The following PHC2 variants were observed in gnomAD, a reference collection of about 807,000 sequenced individuals.
The protein encoded by PHC2 is polyhomeotic-like protein 2.
Under a neutral mutation model 87.4 loss-of-function variants are expected in PHC2, and 29 were observed. The observed-to-expected ratio is 0.33, with a 90% confidence interval of 0.25 to 0.45. PHC2 has a LOEUF of 0.45. PHC2 is among the 20% of genes least tolerant of loss of function. The probability of loss-of-function intolerance (pLI) is 1.00; values close to 1 mark genes in which losing one functional copy is unlikely to be tolerated. For synonymous variants in PHC2, 438 were observed against 461.7 expected, an observed-to-expected ratio of 0.95 and a Z score of 0.66; for missense variants, 857 against 1,136.7, an observed-to-expected ratio of 0.75 and a Z score of 3.54.
chr1:33,416,493 G>A lies in PHC2; in HGVS notation c.-55+14483C>T, dbSNP rs534922545. Among the ~76,000 whole-genome samples, 11 of 148,396 alleles carry A rather than the reference G, an allele frequency of 7.4e-5. No individual in the cohort carries two copies. The East Asian group carries it at 1.4e-3, about 19-fold the overall frequency. ...CGGGAGGCTGAGGCAGGAAAATGGC[G>A]TGAACCCAGGAGGCAGAGGTTGCAG... On this transcript the variant is annotated intron_variant, in intron 1 of 14. Coordinates refer to ENST00000683057, the MANE Select transcript of PHC2 (RefSeq NM_001385109.1).
intron 1 of PHC2, among the ~76,000 whole-genome samples, chr1:33,417,166 T>C (rs895052045): frequency 1.5e-4 from 22 of 151,222 alleles, no homozygotes; most frequent in Middle Eastern, 3.4e-3. Flanking sequence ...AAGGACAATA[T>C]GGGGTCAAGA....
Position 33,354,803 on chromosome 1 carries a change from GTGTGCTCCCTGGACCT to G in PHC2, c.1392+19_1392+34del. On this transcript the variant is annotated intron_variant, in intron 8 of 14. Coordinates refer to ENST00000683057, the MANE Select transcript of PHC2 (RefSeq NM_001385109.1). ...GGGTCGTCCGAGCTGTGGCCACCCC[GTGTGCTCCCTGGACCT>G]TGGGGCTGGCTTACTCACCACTGGT... 6.3e-7 allele frequency: 1 copy of G among 1,594,650 alleles called. No individual in the cohort carries two copies.
chr1:33,385,283 G>A (rs947427636), intron 1 of PHC2, among the ~76,000 whole-genome samples: 3 of 152,116 alleles, frequency 2.0e-5, no homozygotes, highest in African/African-American at 7.2e-5. Flanking sequence ...CAGAGCTTCC[G>A]GAAAATGAAA....
intron 9 of PHC2, among the ~76,000 whole-genome samples, chr1:33,351,687 T>C (rs1037871205): frequency 2.6e-5 from 4 of 152,222 alleles, no homozygotes; most frequent in African/African-American, 9.6e-5. Context: ...GCGCAGTGGC[T>C]CACACCTGTA....
intron 1 of PHC2, among the ~76,000 whole-genome samples, chr1:33,379,628 C>G (rs964905769): frequency 6.0e-5 from 9 of 149,732 alleles, no homozygotes; most frequent in African/African-American, 2.2e-4. Context: ...CCTTTCACCA[C>G]TGATTTCTCA....
chr1:33,383,525 G>T (rs926896661), intron 1 of PHC2, among the ~76,000 whole-genome samples: 3 of 152,180 alleles, frequency 2.0e-5, no homozygotes, highest in Admixed American at 6.5e-5. Context: ...GTTATATCAA[G>T]TATTTCTATA....
At chr1:33,406,654 C>T (rs911830980) in intron 1 of PHC2, among the ~76,000 whole-genome samples, 2 of 152,134 alleles carry the variant, frequency 1.3e-5, no homozygotes, top group East Asian at 1.9e-4. Context: ...AGTCCATTTA[C>T]ATTTGATGTA....
intron 7 of PHC2, among the ~76,000 whole-genome samples, chr1:33,356,828 G>A (rs1182679913): frequency 5.3e-5 from 8 of 152,282 alleles, no homozygotes; most frequent in African/African-American, 1.2e-4. Context: ...ACGGGGTGGC[G>A]GCCGGGCAGA....
intron 14 of PHC2, among the ~76,000 whole-genome samples, chr1:33,327,430 G>A (rs927705020): frequency 6.6e-6 from 1 of 152,150 alleles, no homozygotes; most frequent in African/African-American, 2.4e-5. Context: ...AGGGTATTCT[G>A]CATGAGGAAG....
chr1:33,356,258 T>TAC (rs1553185646), intron 7 of PHC2, among the ~76,000 whole-genome samples: 7 of 84,328 alleles, frequency 8.3e-5, no homozygotes, highest in African/African-American at 3.2e-4. Flanking sequence ...CTTATATATA[T>TAC]ATATATATAT....
chr1:33,414,177 T>TCACACACACACACA (rs201845759), intron 1 of PHC2, among the ~76,000 whole-genome samples: 3 of 142,856 alleles, frequency 2.1e-5, no homozygotes, highest in South Asian at 2.3e-4. Flanking sequence ...TCTCTCTCTG[T>TCACACACACACACA]CACACACACA....
intron 1 of PHC2, among the ~76,000 whole-genome samples, chr1:33,403,196 G>A (rs1180138436): frequency 6.9e-5 from 9 of 131,278 alleles, no homozygotes; most frequent in Non-Finnish European, 1.1e-4. Flanking sequence ...GTGCGATCTC[G>A]GCTCACTGCA....
At chr1:33,344,672 T>C (rs1348861487) in intron 9 of PHC2, among the ~76,000 whole-genome samples, 1 of 152,204 alleles carries the variant, frequency 6.6e-6, no homozygotes, top group Non-Finnish European at 1.5e-5. Flanking sequence ...GGCACGATCA[T>C]GGCTCACTGA....
At chr1:33,402,265 C>T (rs1570508862) in intron 1 of PHC2, among the ~76,000 whole-genome samples, 1 of 152,182 alleles carries the variant, frequency 6.6e-6, no homozygotes, top group East Asian at 1.9e-4. Flanking sequence ...AAATTGGCAA[C>T]AATTCTAGAG....
At chr1:33,370,943 C>T (rs1647789628) in intron 4 of PHC2, 74 bp downstream of exon 4, 4 of 1,232,866 alleles carry the variant, frequency 3.2e-6, no homozygotes, top group Middle Eastern at 2.1e-4. Flanking sequence ...GGATTCACCA[C>T]AACTGGGTCT....
Position 33,346,397 on chromosome 1 carries a change from G to T in PHC2, c.1558+8004C>A, listed in dbSNP as rs1001410378. 5.1e-6 allele frequency: 5 copies of T among 985,198 alleles called. No homozygotes were observed. In the African/African-American group the frequency reaches 8.7e-5, roughly 17 times the overall value. 61.0% of individuals were successfully genotyped at this position (985,198 alleles called of 1,614,324 possible). On this transcript the variant is annotated intron_variant, in intron 9 of 14. Coordinates refer to ENST00000683057, the MANE Select transcript of PHC2 (RefSeq NM_001385109.1). ...GTAGCAAAATGGCACAAAACAAAGG[G>T]AATAAAAGAGAAACTATCAATTATG...
At chr1:33,413,274 T>C (rs900755699) in intron 1 of PHC2, among the ~76,000 whole-genome samples, 8 of 152,302 alleles carry the variant, frequency 5.3e-5, no homozygotes, top group Non-Finnish European at 1.2e-4. Flanking sequence ...GCCTGGACTT[T>C]TAAGTAGTTA....
chr1:33,399,283 C>T (rs773530185), intron 1 of PHC2, among the ~76,000 whole-genome samples: 6 of 152,146 alleles, frequency 3.9e-5, no homozygotes, highest in Non-Finnish European at 7.4e-5. Flanking sequence ...AGTACTCACA[C>T]ACAGCAGGTA....
intron 1 of PHC2, among the ~76,000 whole-genome samples, chr1:33,389,992 CA>C (rs2148359720): frequency 6.6e-6 from 1 of 152,160 alleles, no homozygotes; most frequent in African/African-American, 2.4e-5. Flanking sequence ...TTAAAGTATG[CA>C]GAACTAGGAC....
Sources: allele counts gnomAD v4.1 joint callset (sites outside exome capture counted in the v4.1 genomes callset), GRCh38; gene constraint gnomAD v4.1.1; transcripts MANE v1.5; gene names NCBI Gene and HGNC (gene_info 2026-07-23, HGNC 2026-07-21).